MYT1L: variants seen among roughly 807,000 people sequenced by gnomAD.
MYT1L encodes myelin transcription factor 1 like, also known as myelin transcription factor 1-like protein.
Under a neutral mutation model 126.7 loss-of-function variants are expected in MYT1L, and 12 were observed. That is an observed-to-expected ratio of 0.09 (90% CI 0.06 to 0.15). The LOEUF (loss-of-function observed/expected upper bound fraction) is 0.15. Among genes scored for constraint, MYT1L ranks in the 10% least tolerant of loss-of-function variants. The pLI is 1.00. For missense variants in MYT1L, 979 were observed against 1,585.2 expected, an observed-to-expected ratio of 0.62 and a Z score of 6.49; for synonymous variants, 541 against 604.2, an observed-to-expected ratio of 0.90 and a Z score of 1.53.
Position 1,811,364 on chromosome 2 carries a change from T to G in MYT1L, c.3081-2197A>C, listed in dbSNP as rs1460806691. 3 of 152,558 alleles carry G rather than the reference T, an allele frequency of 2.0e-5. No individual in the cohort carries two copies. The highest frequency in any genetic ancestry group is 7.2e-5 in the African/African-American group (3 of 41,446). The allele number at this position is 152,558 out of a possible 1,614,324, so 9.5% of individuals were successfully genotyped here. Reference sequence around the variant, plus strand: ...GGACTTTAACCCCAGCGTCATCAGCTCCAGCATCATCAGCTCTGGCGTCAT... The same window carrying G: ...GGACTTTAACCCCAGCGTCATCAGCGCCAGCATCATCAGCTCTGGCGTCAT... On this transcript the variant is annotated intron_variant, in intron 21 of 24. Transcript: ENST00000647738. The surrounding 1 kb of genome is among the most constrained non-coding windows in gnomAD (Gnocchi z 4.4).
chr2:2,183,979 AAGAG>A lies in MYT1L; in HGVS notation c.-420-10995_-420-10992del, dbSNP rs35281167. Among the ~76,000 whole-genome samples the A allele has an allele frequency of 1.7e-4, 25 of 146,056 alleles. No homozygotes were observed. In the South Asian group the frequency reaches 2.3e-3, roughly 13 times the overall value. ...AGGGAGGGAGGGAAGAAGAGAAAGA[AAGAG>A]AGAGAGAAAGGGGGAGGGAGAAAGA... On this transcript the variant is annotated intron_variant, in intron 2 of 24. Transcript: ENST00000647738.
chr2:2,085,988 TA>T (rs1233585815), intron 3 of MYT1L, among the ~76,000 whole-genome samples: 1 of 152,250 alleles, frequency 6.6e-6, no homozygotes, highest in African/African-American at 2.4e-5. Context: ...CTACCGCTAG[TA>T]TTTCTTATAA....
intron 21 of MYT1L, among the ~76,000 whole-genome samples, chr2:1,813,648 G>A (rs1032556883): frequency 6.6e-6 from 1 of 152,066 alleles, no homozygotes; most frequent in Admixed American, 6.6e-5. Context: ...GAGGGGGTCC[G>A]GGCTGCGGGC....
At chr2:2,172,449 C>CT (rs1335219798) in intron 3 of MYT1L, among the ~76,000 whole-genome samples, 1 of 152,216 alleles carries the variant, frequency 6.6e-6, no homozygotes, top group Non-Finnish European at 1.5e-5. Context: ...GCAAAGGACT[C>CT]TTTTTGGCAT....
At chr2:1,946,371 C>T (rs909895546) in intron 8 of MYT1L, among the ~76,000 whole-genome samples, 4 of 152,050 alleles carry the variant, frequency 2.6e-5, no homozygotes, top group African/African-American at 9.7e-5. Flanking sequence ...ACATCCTCTC[C>T]ACCCCCAAAC....
intron 8 of MYT1L, among the ~76,000 whole-genome samples, chr2:1,956,640 CTATCTATT>C (rs2058498816): frequency 6.7e-6 from 1 of 150,172 alleles, no homozygotes; most frequent in African/African-American, 2.4e-5. Flanking sequence ...ACCTATCTAG[CTATCTATT>C]TATCTATCTA....
chr2:2,167,038 G>A (rs191806890), intron 3 of MYT1L, among the ~76,000 whole-genome samples: 4 of 152,182 alleles, frequency 2.6e-5, no homozygotes, highest in Non-Finnish European at 5.9e-5. Context: ...GGTCACTTCC[G>A]CCTCCGTCTT....
At chr2:1,924,714 T>C (rs1347968576) in intron 9 of MYT1L, among the ~76,000 whole-genome samples, 1 of 152,256 alleles carries the variant, frequency 6.6e-6, no homozygotes, top group East Asian at 1.9e-4. Flanking sequence ...GAATCGCTAA[T>C]TGTGTGAAAC....
At chr2:2,050,099 T>A (rs532381669) in intron 4 of MYT1L, among the ~76,000 whole-genome samples, 2 of 152,272 alleles carry the variant, frequency 1.3e-5, no homozygotes, top group Admixed American at 6.5e-5. Flanking sequence ...GCAGCTATTA[T>A]CATCTTTTGT....
intron 3 of MYT1L, among the ~76,000 whole-genome samples, chr2:2,139,647 AAAAT>A (rs965623773): frequency 3.3e-5 from 5 of 151,506 alleles, no homozygotes; most frequent in African/African-American, 9.7e-5. Context: ...TCAAAAAAAT[AAAAT>A]AAATAAATAA....
In MYT1L at chr2:1,889,606, C is replaced by T. The variant is rs953373299; in HGVS notation, c.2284-129G>A. 10 of 690,462 alleles carry T rather than the reference C, an allele frequency of 1.4e-5. No individual in the cohort carries two copies. The African/African-American group carries it at 1.8e-4, about 13-fold the overall frequency. 42.8% of individuals were successfully genotyped at this position (690,462 alleles called of 1,614,324 possible). ...AACACAGAATCCCTCGCTGCTGTTT[C>T]CTTGGCCTAAACTCCCAAGGCGGAC... On this transcript the variant is annotated intron_variant, in intron 15 of 24. Coordinates refer to ENST00000647738, the MANE Select transcript of MYT1L (RefSeq NM_001303052.2). This position sits in a 1 kb window ranked among gnomAD's most constrained non-coding sequence, Gnocchi z 4.1.
At chr2:2,287,352 T>G (rs989749906) in intron 1 of MYT1L, among the ~76,000 whole-genome samples, 15 of 152,176 alleles carry the variant, frequency 9.9e-5, no homozygotes, top group African/African-American at 2.7e-4. Flanking sequence ...TGAAAAAAAT[T>G]GACTAGACGA....
chr2:1,938,578 T>C (rs181371129), intron 9 of MYT1L, among the ~76,000 whole-genome samples: 22 of 152,320 alleles, frequency 1.4e-4, no homozygotes, highest in Admixed American at 6.5e-4. Context: ...GTTGTTCAAA[T>C]AAGCAGAAGG....
At chr2:2,018,969 T>G (rs1380761776) in intron 4 of MYT1L, among the ~76,000 whole-genome samples, 1 of 152,182 alleles carries the variant, frequency 6.6e-6, no homozygotes, top group Non-Finnish European at 1.5e-5. Flanking sequence ...GAGGATGGTT[T>G]TGACTTGGGT....
intron 8 of MYT1L, among the ~76,000 whole-genome samples, chr2:1,946,825 C>A (rs533587282): frequency 1.3e-5 from 2 of 152,228 alleles, no homozygotes; most frequent in African/African-American, 4.8e-5. Context: ...TGAATCACCA[C>A]CGGACAACCT....
intron 5 of MYT1L, among the ~76,000 whole-genome samples, chr2:1,980,562 T>C (rs879256168): frequency 2.0e-5 from 3 of 152,126 alleles, no homozygotes; most frequent in Non-Finnish European, 4.4e-5. Flanking sequence ...CATCTTATAC[T>C]TGAGACATTA....
At chr2:2,255,347 T>C (rs1384383965) in intron 2 of MYT1L, among the ~76,000 whole-genome samples, 1 of 152,108 alleles carries the variant, frequency 6.6e-6, no homozygotes, top group East Asian at 1.9e-4. Flanking sequence ...GGGGGGGTTG[T>C]TAGTTTTTAA....
intron 3 of MYT1L, among the ~76,000 whole-genome samples, chr2:2,142,031 A>G (rs1362794685): frequency 4.6e-5 from 7 of 152,234 alleles, no homozygotes; most frequent in Admixed American, 4.6e-4. Flanking sequence ...ATAAGAAAAT[A>G]TCAGCTTTCC....
intron 8 of MYT1L, among the ~76,000 whole-genome samples, chr2:1,972,023 C>T (rs1056169858): frequency 3.3e-5 from 5 of 152,110 alleles, no homozygotes; most frequent in South Asian, 2.1e-4. Flanking sequence ...AGTACAAGGA[C>T]GGGCGTGCAT....
Sources: allele counts gnomAD v4.1 joint callset (sites outside exome capture counted in the v4.1 genomes callset), GRCh38; gene constraint gnomAD v4.1.1; non-coding constraint Gnocchi (gnomAD v3.1); transcripts MANE v1.5; gene names NCBI Gene and HGNC (gene_info 2026-07-23, HGNC 2026-07-21).